The following LRP1B variants were observed in gnomAD, a reference collection of about 807,000 sequenced individuals.
The protein encoded by LRP1B is LDL receptor related protein 1B, also known as low-density lipoprotein receptor-related protein 1B.
A neutral mutation model predicts 556.6 loss-of-function variants in LRP1B; 217 were observed. The ratio of observed to expected loss-of-function variants is 0.39; its 90% CI spans 0.35 to 0.44. The LOEUF is 0.44. Among genes scored for constraint, LRP1B ranks in the 20% least tolerant of loss-of-function variants. LRP1B has a pLI of 1.00. For synonymous variants in LRP1B, 2,047 were observed against 1,865.8 expected, an observed-to-expected ratio of 1.10 and a Z score of -2.50; for missense variants, 5,053 against 5,620.8, an observed-to-expected ratio of 0.90 and a Z score of 3.23.
intron 43 of LRP1B, among the ~76,000 whole-genome samples, chr2:140,561,063 G>C (rs949646246): frequency 6.6e-6 from 1 of 151,958 alleles, no homozygotes; most frequent in African/African-American, 2.4e-5. Context: ...CCTATCTCTG[G>C]CCCCTCATTC....
intron 55 of LRP1B, among the ~76,000 whole-genome samples, chr2:140,497,434 C>T (rs1240192261): frequency 6.6e-6 from 1 of 151,552 alleles, no homozygotes; most frequent in Non-Finnish European, 1.5e-5. Flanking sequence ...ATACTTAATG[C>T]CATTAACTGT....
chr2:141,758,802 A>C (rs1327543242), intron 2 of LRP1B, among the ~76,000 whole-genome samples: 3 of 152,122 alleles, frequency 2.0e-5, no homozygotes, highest in African/African-American at 7.2e-5. Flanking sequence ...TGTGATCATT[A>C]AAAAGTGTCT....
At chr2:140,616,984 T>C (rs193212496) in intron 41 of LRP1B, among the ~76,000 whole-genome samples, 254 of 151,958 alleles carry the variant, frequency 1.7e-3, no homozygotes, top group African/African-American at 6.0e-3. Flanking sequence ...TAGTTAAAAT[T>C]TATAGTGTGT....
In LRP1B at chr2:141,349,968, G is replaced by A. The variant is rs570423817; in HGVS notation, c.344-95327C>T. 3.3e-5 allele frequency among the ~76,000 whole-genome samples: 5 copies of A among 152,208 alleles called. No individual in the cohort carries two copies. The South Asian group carries it at 6.2e-4, about 19-fold the overall frequency. ...AGGTTTAATGGACTTACAGTTCCAC[G>A]TGGCTGGGGAGGCCACACAATCATG... is the stretch of plus-strand genomic sequence containing the variant. On this transcript the variant is annotated intron_variant, in intron 3 of 90. Transcript: ENST00000389484.
At position 141,464,057 on chromosome 2, in the gene LRP1B, G is replaced by T. The variant is rs1270794179; in HGVS notation, c.343+16339C>A. ...ATATGAGTTGTTAATACTAGAAAAA[G>T]TATGCTGTCCTGGCTGGCGAATCCA... On this transcript the variant is annotated intron_variant, in intron 3 of 90. Transcript: ENST00000389484. Among the ~76,000 whole-genome samples, 4 of 151,848 alleles carry T rather than the reference G, an allele frequency of 2.6e-5. No homozygotes were observed. The East Asian group carries it at 7.7e-4, about 29-fold the overall frequency.
intron 17 of LRP1B, among the ~76,000 whole-genome samples, chr2:140,985,988 A>AT (rs1413034299): frequency 2.0e-5 from 3 of 151,288 alleles, no homozygotes; most frequent in Non-Finnish European, 4.4e-5. Flanking sequence ...ATTTGTTTTT[A>AT]TTTTTTTAAT....
intron 59 of LRP1B, among the ~76,000 whole-genome samples, chr2:140,477,362 T>G (rs148909622): frequency 6.6e-6 from 1 of 152,044 alleles, no homozygotes; most frequent in African/African-American, 2.4e-5. Context: ...TTTTTAAGAA[T>G]TGCATATAAG....
At chr2:141,269,821 G>A (rs1440497193) in intron 3 of LRP1B, among the ~76,000 whole-genome samples, 1 of 152,090 alleles carries the variant, frequency 6.6e-6, no homozygotes, top group Non-Finnish European at 1.5e-5. Context: ...AGAAGCCCCA[G>A]ATGTTGAAAT....
At chr2:141,709,980 G>A (rs1692298351) in intron 2 of LRP1B, among the ~76,000 whole-genome samples, 1 of 152,064 alleles carries the variant, frequency 6.6e-6, no homozygotes, top group Non-Finnish European at 1.5e-5. Context: ...CATGGTTGAA[G>A]TACAAGGGAG....
chr2:140,990,168 T>C (rs1357696298), intron 16 of LRP1B, among the ~76,000 whole-genome samples: 2 of 151,288 alleles, frequency 1.3e-5, no homozygotes, highest in Non-Finnish European at 2.9e-5. Flanking sequence ...GATTGATCGC[T>C]GTGGACAACA....
intron 3 of LRP1B, among the ~76,000 whole-genome samples, chr2:141,306,765 T>G (rs2105440736): frequency 6.6e-6 from 1 of 152,264 alleles, no homozygotes; most frequent in African/African-American, 2.4e-5. Context: ...TAAACTTCTC[T>G]ATTCACAATA....
At chr2:141,251,878 T>C (rs1204934437) in intron 4 of LRP1B, among the ~76,000 whole-genome samples, 2 of 152,122 alleles carry the variant, frequency 1.3e-5, no homozygotes, top group Admixed American at 1.3e-4. Flanking sequence ...TCAAGGGCAC[T>C]GTAGCAGAAG....
intron 80 of LRP1B, among the ~76,000 whole-genome samples, chr2:140,324,635 CATT>C (rs2105061123): frequency 6.6e-6 from 1 of 151,858 alleles, no homozygotes; most frequent in Non-Finnish European, 1.5e-5. Flanking sequence ...TAATAGTAAC[CATT>C]ATTTTCACAT....
At chr2:140,840,483 G>C (rs1306413284) in intron 30 of LRP1B, among the ~76,000 whole-genome samples, 1 of 152,150 alleles carries the variant, frequency 6.6e-6, no homozygotes, top group Non-Finnish European at 1.5e-5. Flanking sequence ...GCACTAGGGA[G>C]AAAAACATCT....
intron 3 of LRP1B, among the ~76,000 whole-genome samples, chr2:141,342,870 G>C (rs1295838257): frequency 2.0e-5 from 3 of 152,034 alleles, no homozygotes; most frequent in African/African-American, 4.8e-5. Context: ...GAAATACAGA[G>C]AACACCACAA....
chr2:142,068,515 G>A (rs761520124), intron 1 of LRP1B, among the ~76,000 whole-genome samples: 10 of 151,536 alleles, frequency 6.6e-5, no homozygotes, highest in Non-Finnish European at 1.2e-4. Flanking sequence ...GTGATAGGCT[G>A]CGTAGGGGTC....
At chr2:140,867,530 T>C in intron 27 of LRP1B, 60 bp downstream of exon 27, 1 of 1,486,682 alleles carries the variant, frequency 6.7e-7, no homozygotes, top group Non-Finnish European at 9.0e-7. Context: ...CTTCAAATAT[T>C]ATATGATTAA....
At chr2:141,175,448 A>T (rs1680693224) in intron 7 of LRP1B, among the ~76,000 whole-genome samples, 1 of 152,142 alleles carries the variant, frequency 6.6e-6, no homozygotes, top group Non-Finnish European at 1.5e-5. Context: ...TGTGGCTAAA[A>T]GGGGCAAAGG....
At chr2:140,262,812 A>C (rs1370356692) in intron 86 of LRP1B, among the ~76,000 whole-genome samples, 1 of 152,172 alleles carries the variant, frequency 6.6e-6, no homozygotes, top group Non-Finnish European at 1.5e-5. Flanking sequence ...AGTACATTTC[A>C]ATATCTCCCT....
Sources: allele counts gnomAD v4.1 joint callset (sites outside exome capture counted in the v4.1 genomes callset), GRCh38; gene constraint gnomAD v4.1.1; transcripts MANE v1.5; gene names NCBI Gene and HGNC (gene_info 2026-07-23, HGNC 2026-07-21).